The following ANK3 variants were observed in gnomAD, a reference collection of about 807,000 sequenced individuals.
ANK3 encodes ankyrin-3.
In ANK3, 57 loss-of-function variants were observed where a neutral mutation model predicts 370.9. The ratio of observed to expected loss-of-function variants is 0.15; its 90% CI spans 0.12 to 0.19. The LOEUF (loss-of-function observed/expected upper bound fraction) is 0.19. ANK3 is among the 10% of genes least tolerant of loss of function. The pLI, the probability that ANK3 is intolerant of heterozygous loss-of-function variation, is 1.00. For missense variants in ANK3, 4,439 were observed against 5,302.1 expected, an observed-to-expected ratio of 0.84 and a Z score of 5.06; for synonymous variants, 1,929 against 1,946.3, an observed-to-expected ratio of 0.99 and a Z score of 0.23.
chr10:60,733,175 C>T (rs1302726550), intron 1 of ANK3: 44 of 1,146,596 alleles, frequency 3.8e-5, no homozygotes, highest in South Asian at 4.3e-5. Context: ...ACTCCTGGGG[C>T]CCCCCGGCCC....
At chr10:60,655,707 T>G (rs1159421111) in intron 1 of ANK3, among the ~76,000 whole-genome samples, 1 of 152,102 alleles carries the variant, frequency 6.6e-6, no homozygotes, top group Non-Finnish European at 1.5e-5. Context: ...TCTAGAGTAG[T>G]GTACAGAAAT....
intron 24 of ANK3, among the ~76,000 whole-genome samples, chr10:60,137,935 A>AT (rs1308429048): frequency 7.9e-5 from 12 of 152,074 alleles, no homozygotes; most frequent in Non-Finnish European, 1.5e-4. Context: ...AAGATTGCAT[A>AT]TTTTTTTAAA....
intron 2 of ANK3, chr10:60,508,064 T>G (rs1180679032): frequency 6.6e-6 from 1 of 152,176 alleles, no homozygotes. Context: ...CAACTATTAA[T>G]TTAGAATGTT....
At chr10:60,121,071 A>G (rs1026774740) in intron 25 of ANK3, among the ~76,000 whole-genome samples, 2 of 152,216 alleles carry the variant, frequency 1.3e-5, no homozygotes, top group African/African-American at 4.8e-5. Context: ...GTCCATCAAC[A>G]GATGAATAGA....
chr10:60,643,706 G>T lies in ANK3; in HGVS notation c.58-28482C>A, dbSNP rs199570198. On this transcript the variant is annotated intron_variant, in intron 1 of 43. Coordinates refer to the ANK3 transcript ENST00000373827. ...ATCCACATAGCCCAGATTGACATGT[G>T]ACCCCATCTCCCGAAGCCCAGTGGT... Among the ~76,000 whole-genome samples, 62 of 152,164 alleles carry T rather than the reference G, an allele frequency of 4.1e-4. No homozygotes were observed. The East Asian group carries it at 0.011, about 28-fold the overall frequency.
intron 1 of ANK3, among the ~76,000 whole-genome samples, chr10:60,649,478 A>C (rs1339986506): frequency 6.6e-6 from 1 of 152,186 alleles, no homozygotes; most frequent in Non-Finnish European, 1.5e-5. Flanking sequence ...ACCAAGGGTA[A>C]GAACTATTAT....
intron 11 of ANK3, among the ~76,000 whole-genome samples, chr10:60,205,008 G>A (rs2096739899): frequency 6.6e-6 from 1 of 152,078 alleles, no homozygotes; most frequent in Non-Finnish European, 1.5e-5. Flanking sequence ...AGTGCCAAGG[G>A]TTAGAATTAG....
At chr10:60,181,288 T>C in intron 18 of ANK3, 41 bp downstream of exon 18, 2 of 1,551,178 alleles carry the variant, frequency 1.3e-6, no homozygotes, top group Non-Finnish European at 8.9e-7. Context: ...AGTCACCAAA[T>C]GGACACATTC....
intron 23 of ANK3, among the ~76,000 whole-genome samples, chr10:60,152,391 A>C (rs1376954787): frequency 1.3e-5 from 2 of 152,230 alleles, no homozygotes; most frequent in Non-Finnish European, 2.9e-5. Flanking sequence ...ATATGGACTA[A>C]ACATTCAAAA....
chr10:60,510,808 A>G (rs1360986517), intron 2 of ANK3, among the ~76,000 whole-genome samples: 1 of 152,080 alleles, frequency 6.6e-6, no homozygotes, highest in Non-Finnish European at 1.5e-5. Flanking sequence ...CGACAGAGAA[A>G]GACTCTGTCT....
intron 1 of ANK3, among the ~76,000 whole-genome samples, chr10:60,637,906 C>T (rs2078577463): frequency 6.6e-6 from 1 of 152,094 alleles, no homozygotes; most frequent in Non-Finnish European, 1.5e-5. Context: ...CTTGTGATCC[C>T]TAAGTGAAGA....
intron 26 of ANK3, among the ~76,000 whole-genome samples, chr10:60,110,816 G>A (rs1452603464): frequency 1.3e-5 from 2 of 152,108 alleles, no homozygotes; most frequent in African/African-American, 2.4e-5. Flanking sequence ...GATTTAAAAC[G>A]ATTCACGACA....
Position 60,251,412 on chromosome 10 carries a change from T to C in ANK3, c.798+10447A>G, listed in dbSNP as rs1592499830. Among the ~76,000 whole-genome samples the C allele has an allele frequency of 4.6e-5, 7 of 152,272 alleles. No homozygotes were observed. The South Asian group carries it at 1.4e-3, about 32-fold the overall frequency. On this transcript the variant is annotated intron_variant, in intron 7 of 43. Coordinates refer to ENST00000280772, the MANE Select transcript of ANK3 (RefSeq NM_020987.5). ...CTGTAAAGAGATGTTCAATCCAGCA[T>C]GTCTGATGGGTGCATCACTGGCCTT...
intron 13 of ANK3, among the ~76,000 whole-genome samples, chr10:60,199,461 G>GA (rs1555117335): frequency 1.3e-5 from 2 of 152,078 alleles, no homozygotes; most frequent in African/African-American, 4.8e-5. Flanking sequence ...AGGTGCCAAG[G>GA]AAAAATCTCA....
intron 2 of ANK3, among the ~76,000 whole-genome samples, chr10:60,484,456 A>T (rs907038570): frequency 1.3e-5 from 2 of 152,176 alleles, no homozygotes; most frequent in Non-Finnish European, 2.9e-5. Flanking sequence ...CCTATCTATT[A>T]GAGATATGTG....
At chr10:60,152,320 G>C (rs2095167200) in intron 23 of ANK3, among the ~76,000 whole-genome samples, 1 of 152,204 alleles carries the variant, frequency 6.6e-6, no homozygotes, top group Non-Finnish European at 1.5e-5. Flanking sequence ...GTTGATTTAG[G>C]TATTATCTCT....
At chr10:60,235,058 T>G (rs2097307661) in intron 7 of ANK3, among the ~76,000 whole-genome samples, 1 of 152,234 alleles carries the variant, frequency 6.6e-6, no homozygotes, top group African/African-American at 2.4e-5. Flanking sequence ...TTTGTTTTTT[T>G]GCTCAAAAGT....
At chr10:60,030,126 C>T (rs1169472758) in intron 43 of ANK3, among the ~76,000 whole-genome samples, 1 of 151,692 alleles carries the variant, frequency 6.6e-6, no homozygotes, top group African/African-American at 2.4e-5. Context: ...TTTGTAATTG[C>T]ACCAGACCAC....
chr10:60,323,634 T>C (rs1337025482), intron 1 of ANK3, among the ~76,000 whole-genome samples: 1 of 152,054 alleles, frequency 6.6e-6, no homozygotes, highest in East Asian at 1.9e-4. Flanking sequence ...TTTTAAGCCA[T>C]GAGAGTGGAT....
Sources: gnomAD v4.1 joint callset for allele counts (sites outside exome capture counted in the v4.1 genomes callset) on GRCh38, gnomAD v4.1.1 for gene constraint, MANE v1.5 for transcripts, NCBI Gene and HGNC (gene_info 2026-07-23, HGNC 2026-07-21) for gene names.